The following MRC1 variants were observed in gnomAD, a reference collection of about 807,000 sequenced individuals.
MRC1 encodes mannose receptor C-type 1.
A neutral mutation model predicts 102.9 loss-of-function variants in MRC1; 62 were observed. The observed-to-expected ratio is 0.60, with a 90% CI of 0.49 to 0.74. The LOEUF (loss-of-function observed/expected upper bound fraction) is 0.74, where lower values mean the gene tolerates loss of function less well. Ranked by LOEUF, MRC1 falls within the 30% of genes least tolerant of loss-of-function variation. MRC1 has a pLI of 0.00. For missense variants in MRC1, 1,237 were observed against 862.8 expected (o/e 1.43, Z -5.43); for synonymous variants, 457 against 298.4 (o/e 1.53, Z -5.48).
In MRC1 at chr10:17,845,352, G is replaced by T; in HGVS notation, c.980G>T (p.Trp327Leu). The change falls in exon 6 of 30, where the codon TGG becomes TTG. Residue 327 changes from tryptophan to leucine, a missense_variant. Physicochemically the swap from Trp to Leu is moderately conservative, Grantham distance 61 (BLOSUM62 -2). Transcript: ENST00000569591. The part of the protein sequence containing the change: ...VSLNPGKNAK[W>L]ENLECVQKLG... Reference sequence around the variant, plus strand: ...CTAAATCCTGGAAAAAATGCTAAATGGGAAAATCTGGAATGTGTTCAGAAA... The same window carrying T: ...CTAAATCCTGGAAAAAATGCTAAATTGGAAAATCTGGAATGTGTTCAGAAA... 1 of 780,826 alleles carries T rather than the reference G, an allele frequency of 1.3e-6. No homozygotes were observed. The highest frequency in any genetic ancestry group is 1.3e-5 in the South Asian group (1 of 74,610). 48.4% of individuals were successfully genotyped at this position (780,826 alleles called of 1,614,324 possible). A position where few individuals can be genotyped will look rare whatever the true frequency, so the allele number is the denominator to read the frequency against.
chr10:17,910,063 G>A (rs904621892), intron 29 of MRC1, 152 bp from the exon 30 acceptor site: 1 of 716,272 alleles, frequency 1.4e-6, no homozygotes, highest in Non-Finnish European at 2.5e-6. Flanking sequence ...TATACCACAG[G>A]GACTCTTGTT....
intron 3 of MRC1, 146 bp downstream of exon 3, chr10:17,827,861 TATTA>T: frequency 1.5e-6 from 1 of 661,076 alleles, no homozygotes; most frequent in Non-Finnish European, 2.8e-6. Flanking sequence ...TTACAGACGT[TATTA>T]TTTCCATTTT....
intron 22 of MRC1, among the ~76,000 whole-genome samples, chr10:17,889,720 C>T (rs1486101939): frequency 6.6e-6 from 1 of 152,230 alleles, no homozygotes; most frequent in Non-Finnish European, 1.5e-5. Flanking sequence ...ATTCATTTCA[C>T]TTATCCATAA....
intron 29 of MRC1, 21 bp downstream of exon 29, chr10:17,909,368 C>A: frequency 1.2e-6 from 1 of 867,968 alleles, no homozygotes; most frequent in South Asian, 1.3e-5. Context: ...TGCAAAATTT[C>A]AAGTTCTGTG....
rs1554838398 is a variant in MRC1, at chr10:17,823,268, A to G, written c.256A>G (p.Ile86Val). 1 of 780,632 alleles carries G rather than the reference A, an allele frequency of 1.3e-6. No homozygotes were observed. Among genetic ancestry groups the G allele is most frequent in the Non-Finnish European group, 2.4e-6 (1 of 417,796 alleles). 48.4% of individuals were successfully genotyped at this position (780,632 alleles called of 1,614,324 possible). Residue 86 changes from isoleucine (I) to valine (V), a missense_variant, in exon 2 of 30, where the codon ATC becomes GTC. Physicochemically the swap from Ile to Val is conservative, Grantham distance 29 (BLOSUM62 3). Coordinates refer to ENST00000569591, the MANE Select transcript of MRC1 (RefSeq NM_002438.4). Reference sequence around the variant, plus strand: ...GCCATCAAAAACGGACTGGGTTGCTATCACTCTCTATGCCTGTGACTCAAA... The same window carrying G: ...GCCATCAAAAACGGACTGGGTTGCTGTCACTCTCTATGCCTGTGACTCAAA... ...GVPSKTDWVA[I>V]TLYACDSKSE...
At chr10:17,823,831 T>C (rs1470935980) in intron 2 of MRC1, among the ~76,000 whole-genome samples, 1 of 152,368 alleles carries the variant, frequency 6.6e-6, no homozygotes, top group African/African-American at 2.4e-5. Flanking sequence ...TAGTGATAAA[T>C]ACATTTAGCC....
Position 17,833,690 on chromosome 10 carries a change from G to T in MRC1, c.653G>T (p.Ser218Ile). The change falls in exon 4 of 30, where the codon AGC becomes ATC. Residue 218 changes from serine (S) to isoleucine (I), a missense_variant. Coordinates refer to ENST00000569591, the MANE Select transcript of MRC1 (RefSeq NM_002438.4). ...TCTTTCACAGTTGAGGGCAGTGAAA[G>T]CTTATGGAATAAAGACCCGCTGACC... is the stretch of plus-strand genomic sequence containing the variant. ...YCPLKFEGSE[S>I]LWNKDPLTSV... 1.3e-6 allele frequency: 1 copy of T among 781,040 alleles called. No homozygotes were observed. Among genetic ancestry groups the T allele is most frequent in the Non-Finnish European group, 2.4e-6 (1 of 418,122 alleles). The allele number at this position is 781,040 out of a possible 1,614,324, so 48.4% of individuals were successfully genotyped here.
At position 17,827,526 on chromosome 10, in the gene MRC1, C is replaced by G. The variant is rs906169729; in HGVS notation, c.464-16C>G. On this transcript the variant is annotated splice_polypyrimidine_tract_variant and intron_variant, in intron 2 of 29. Coordinates refer to ENST00000569591, the MANE Select transcript of MRC1 (RefSeq NM_002438.4). ...TATCACTCACATTCCAAGTTCAAGT[C>G]AATATGTTTTTCCAGCCATGTATAC... The G allele has an allele frequency of 1.6e-4, 128 of 779,682 alleles. No homozygotes were observed. Among genetic ancestry groups the G allele is most frequent in the Non-Finnish European group, 2.4e-4 (101 of 417,616 alleles). 48.3% of individuals were successfully genotyped at this position (779,682 alleles called of 1,614,324 possible). A position where few individuals can be genotyped will look rare whatever the true frequency, so the allele number is the denominator to read the frequency against.
At chr10:17,869,351 A>G (rs1833322249) in intron 12 of MRC1, among the ~76,000 whole-genome samples, 1 of 152,190 alleles carries the variant, frequency 6.6e-6, no homozygotes, top group African/African-American at 2.4e-5. Flanking sequence ...CTTTGTCCAC[A>G]TAGCTTGAGT....
chr10:17,848,998 G>C (rs1838871353), intron 6 of MRC1, among the ~76,000 whole-genome samples: 1 of 152,108 alleles, frequency 6.6e-6, no homozygotes, highest in East Asian at 1.9e-4. Flanking sequence ...AAATCTTTTA[G>C]GGGATGTGTT....
chr10:17,847,941 A>C (rs1394185708), intron 6 of MRC1, among the ~76,000 whole-genome samples: 1 of 85,854 alleles, frequency 1.2e-5, no homozygotes, highest in Non-Finnish European at 2.5e-5. Flanking sequence ...TTTTTTTGTA[A>C]CCACTGGAAG....
At chr10:17,845,251 C>A in intron 5 of MRC1, 38 bp from the exon 6 acceptor site, 1 of 780,762 alleles carries the variant, frequency 1.3e-6, no homozygotes, top group Non-Finnish European at 2.4e-6. Flanking sequence ...CTGGGAATAG[C>A]TATAATAGTC....
intron 15 of MRC1, among the ~76,000 whole-genome samples, chr10:17,872,956 A>C (rs1444182325): frequency 6.6e-6 from 1 of 152,140 alleles, no homozygotes; most frequent in African/African-American, 2.4e-5. Context: ...TGCTCTGTTT[A>C]TTTTCCATCC....
intron 8 of MRC1, among the ~76,000 whole-genome samples, chr10:17,855,627 C>A (rs1277487320): frequency 8.0e-5 from 12 of 150,192 alleles, no homozygotes; most frequent in African/African-American, 2.9e-4. Flanking sequence ...TTGCGAGCAC[C>A]GTCATCCAAG....
intron 1 of MRC1, among the ~76,000 whole-genome samples, chr10:17,822,242 C>T (rs922496032): frequency 1.3e-5 from 2 of 152,140 alleles, no homozygotes; most frequent in African/African-American, 4.8e-5. Flanking sequence ...TGATATAAAA[C>T]TTACATTGAT....
chr10:17,839,607 G>A (rs1554839723), intron 4 of MRC1, among the ~76,000 whole-genome samples: 1 of 152,096 alleles, frequency 6.6e-6, no homozygotes, highest in Non-Finnish European at 1.5e-5. Context: ...CCAGGAGTTG[G>A]AGAGCAACCT....
chr10:17,910,244 C>T lies in MRC1; in HGVS notation c.4150C>T (p.Pro1384Ser). 1 of 780,878 alleles carries T rather than the reference C, an allele frequency of 1.3e-6. No homozygotes were observed. The highest frequency in any genetic ancestry group is 1.7e-5 in the African/African-American group (1 of 59,258). 48.4% of individuals were successfully genotyped at this position (780,878 alleles called of 1,614,324 possible). A position where few individuals can be genotyped will look rare whatever the true frequency, so the allele number is the denominator to read the frequency against. The change falls in exon 30 of 30, where the codon CCG (proline) becomes TCG (serine). Residue 1384 changes from proline (P) to serine (S), a missense_variant. Transcript: ENST00000569591. ...ADTRKMDPSKPSSNVAGVVII... is the reference protein window; with the variant it reads ...ADTRKMDPSKSSSNVAGVVII... Reference sequence around the variant, plus strand: ...CACAAGGAAGATGGACCCTTCTAAACCGTCTTCCAACGTGGCCGGAGTAGT... The same window carrying T: ...CACAAGGAAGATGGACCCTTCTAAATCGTCTTCCAACGTGGCCGGAGTAGT...
chr10:17,858,210 T>G (rs1833123939), intron 9 of MRC1, among the ~76,000 whole-genome samples: 1 of 152,158 alleles, frequency 6.6e-6, no homozygotes, highest in African/African-American at 2.4e-5. Flanking sequence ...AATTCTGGAT[T>G]GATGGTTGTT....
At chr10:17,863,035 CT>C (rs1269696414) in intron 10 of MRC1, 1 of 156,284 alleles carries the variant, frequency 6.4e-6, no homozygotes, top group East Asian at 1.9e-4. Flanking sequence ...ATAATTTTCT[CT>C]TTTGTTTCAG....
Sources: allele counts gnomAD v4.1 joint callset (sites outside exome capture counted in the v4.1 genomes callset), GRCh38; gene constraint gnomAD v4.1.1; transcripts MANE v1.5; gene names NCBI Gene and HGNC (gene_info 2026-07-23, HGNC 2026-07-21).